Variants in ARHGAP24 observed in about 807,000 individuals in gnomAD.
ARHGAP24 encodes the protein rho GTPase-activating protein 24.
Under a neutral mutation model 76.4 loss-of-function variants are expected in ARHGAP24, and 50 were observed. The observed-to-expected ratio is 0.65, with a 90% CI of 0.52 to 0.83. ARHGAP24 has a LOEUF of 0.83. ARHGAP24 is among the 40% of genes least tolerant of loss of function. The probability of loss-of-function intolerance (pLI) is 0.00; values close to 1 mark genes in which losing one functional copy is unlikely to be tolerated. For synonymous variants in ARHGAP24, 345 were observed against 323.3 expected (o/e 1.07, Z -0.72); for missense variants, 930 against 914.2 (o/e 1.02, Z -0.22).
At chr4:85,734,116 A>G (rs888617686) in intron 3 of ARHGAP24, among the ~76,000 whole-genome samples, 15 of 152,174 alleles carry the variant, frequency 9.9e-5, no homozygotes, top group African/African-American at 2.9e-4. Context: ...TTCCTGCCAC[A>G]AATATTAAAA....
At chr4:85,826,170 C>T (rs531443938) in intron 3 of ARHGAP24, among the ~76,000 whole-genome samples, 3 of 152,120 alleles carry the variant, frequency 2.0e-5, no homozygotes, top group African/African-American at 7.2e-5. Flanking sequence ...ACAACTCGAC[C>T]TCTAAAAAAT....
intron 4 of ARHGAP24, among the ~76,000 whole-genome samples, chr4:85,939,243 C>CA (rs1009707974): frequency 3.9e-5 from 6 of 152,060 alleles, no homozygotes; most frequent in Admixed American, 1.3e-4. Flanking sequence ...TTTAAAAGCA[C>CA]AAAAAATGTA....
chr4:85,791,266 T>C (rs535086008), intron 3 of ARHGAP24, among the ~76,000 whole-genome samples: 8 of 152,334 alleles, frequency 5.3e-5, no homozygotes, highest in African/African-American at 1.9e-4. Context: ...AATGAACTTA[T>C]CATCAATGTG....
At chr4:85,530,525 A>G (rs1469330833) in intron 1 of ARHGAP24, among the ~76,000 whole-genome samples, 4 of 152,012 alleles carry the variant, frequency 2.6e-5, no homozygotes, top group African/African-American at 9.7e-5. Context: ...GGACAAAGGT[A>G]TTTGGAAAGC....
intron 5 of ARHGAP24, among the ~76,000 whole-genome samples, chr4:85,967,836 G>C (rs1242147246): frequency 6.6e-6 from 1 of 152,074 alleles, no homozygotes; most frequent in African/African-American, 2.4e-5. Context: ...ATCTTCATTG[G>C]CTTTTTTTGT....
At chr4:85,647,654 C>T (rs1450130583) in intron 2 of ARHGAP24, among the ~76,000 whole-genome samples, 1 of 152,130 alleles carries the variant, frequency 6.6e-6, no homozygotes, top group African/African-American at 2.4e-5. Flanking sequence ...AACAACTCTA[C>T]AGTAGTTGAT....
intron 5 of ARHGAP24, among the ~76,000 whole-genome samples, chr4:85,942,940 T>C (rs984991070): frequency 1.3e-5 from 2 of 152,114 alleles, no homozygotes; most frequent in Non-Finnish European, 2.9e-5. Context: ...ATACCAGAAA[T>C]GTTTTCATAT....
chr4:85,976,520 C>A (rs574542002), intron 7 of ARHGAP24, among the ~76,000 whole-genome samples: 33 of 152,184 alleles, frequency 2.2e-4, no homozygotes, highest in Admixed American at 3.9e-4. Flanking sequence ...CATACTAGTA[C>A]TATATAAATA....
chr4:85,608,310 C>T (rs1720270151), intron 2 of ARHGAP24, among the ~76,000 whole-genome samples: 1 of 152,028 alleles, frequency 6.6e-6, no homozygotes, highest in Non-Finnish European at 1.5e-5. Flanking sequence ...CCTAATGCAT[C>T]TCTATTTTTG....
Position 85,622,051 on chromosome 4 carries a change from C to A in ARHGAP24, c.180+51330C>A, listed in dbSNP as rs560517520. ...TTGGTTTCTTGTTTCTCCTTTTTTG[C>A]TTGTCTTAAGATATTTTCAAATTTC... On this transcript the variant is annotated intron_variant, in intron 2 of 9. Coordinates refer to ENST00000395184, the MANE Select transcript of ARHGAP24 (RefSeq NM_001025616.3). Among the ~76,000 whole-genome samples the A allele has an allele frequency of 4.0e-5, 6 of 151,600 alleles. No homozygotes were observed. The South Asian group carries it at 1.3e-3, about 32-fold the overall frequency.
In ARHGAP24 at chr4:85,942,331, G is replaced by A. The variant is rs535525930; in HGVS notation, c.599+58G>A. ...TGAGAAATTCAGACTCAACTGACAG[G>A]ATGCAGTGAGCTGAGGAGGCATAAC... On this transcript the variant is annotated intron_variant, in intron 5 of 9. Coordinates refer to ENST00000395184, the MANE Select transcript of ARHGAP24 (RefSeq NM_001025616.3). 1.3e-5 allele frequency: 20 copies of A among 1,574,556 alleles called. No individual in the cohort carries two copies. In the African/African-American group the frequency reaches 1.3e-4, roughly 11 times the overall value.
intron 3 of ARHGAP24, among the ~76,000 whole-genome samples, chr4:85,866,462 C>G (rs1441689755): frequency 6.6e-6 from 1 of 152,038 alleles, no homozygotes; most frequent in African/African-American, 2.4e-5. Context: ...TTTTGTTTCC[C>G]CCACATGAAC....
intron 7 of ARHGAP24, chr4:85,975,663 A>G (rs1739276846): frequency 6.6e-6 from 1 of 152,272 alleles, no homozygotes; most frequent in Non-Finnish European, 1.5e-5. Context: ...GAAACAGAAT[A>G]AATTTAAATA....
intron 2 of ARHGAP24, among the ~76,000 whole-genome samples, chr4:85,664,712 G>T (rs1286339589): frequency 6.6e-5 from 10 of 151,128 alleles, no homozygotes; most frequent in Admixed American, 6.6e-5. Flanking sequence ...GGTATGTTGT[G>T]TCTTTGTTCT....
chr4:85,706,680 C>T (rs1415103682), intron 2 of ARHGAP24, among the ~76,000 whole-genome samples: 1 of 151,996 alleles, frequency 6.6e-6, no homozygotes, highest in African/African-American at 2.4e-5. Flanking sequence ...ATTCTCCTGC[C>T]TCAGCCTCCT....
intron 2 of ARHGAP24, among the ~76,000 whole-genome samples, chr4:85,574,624 C>A (rs1294810039): frequency 6.6e-6 from 1 of 152,160 alleles, no homozygotes; most frequent in Non-Finnish European, 1.5e-5. Context: ...CAGTGAGAAG[C>A]TATTTCCAGA....
At chr4:85,521,638 C>G (rs1305897410) in intron 1 of ARHGAP24, among the ~76,000 whole-genome samples, 1 of 152,122 alleles carries the variant, frequency 6.6e-6, no homozygotes, top group African/African-American at 2.4e-5. Context: ...AGTCACTTCT[C>G]TCCTTTTAGC....
At position 85,536,739 on chromosome 4, in the gene ARHGAP24, G is replaced by C. The variant is rs1725485697; in HGVS notation, c.-20-33783G>C. ...AACTTAATTATACATCTTTCGGGGAGATAGAGAAAAGTGAGGAAGAATTGT... is the reference window on the plus strand; with the variant it reads ...AACTTAATTATACATCTTTCGGGGACATAGAGAAAAGTGAGGAAGAATTGT... On this transcript the variant is annotated intron_variant, in intron 1 of 9. Coordinates refer to ENST00000395184, the MANE Select transcript of ARHGAP24 (RefSeq NM_001025616.3). Among the ~76,000 whole-genome samples the C allele has an allele frequency of 2.0e-5, 3 of 152,096 alleles. No individual in the cohort carries two copies. In the South Asian group the frequency reaches 6.2e-4, roughly 32 times the overall value.
intron 2 of ARHGAP24, chr4:85,604,331 T>A (rs1720123007): frequency 6.6e-6 from 1 of 152,194 alleles, no homozygotes; most frequent in African/African-American, 2.4e-5. Context: ...AAGATCTAAA[T>A]GAGACAAATC....
Sources: allele counts gnomAD v4.1 joint callset (sites outside exome capture counted in the v4.1 genomes callset), GRCh38; gene constraint gnomAD v4.1.1; transcripts MANE v1.5; gene names NCBI Gene and HGNC (gene_info 2026-07-23, HGNC 2026-07-21).